Variants in CGAS observed in about 807,000 individuals in gnomAD.
The protein encoded by CGAS is cyclic GMP-AMP synthase, also known as 2'3'-cGAMP synthase.
CGAS carries 31 observed loss-of-function variants against 34.0 expected under a neutral mutation model. The observed-to-expected ratio is 0.91, with a 90% confidence interval of 0.69 to 1.23. CGAS has a LOEUF of 1.23. Among genes scored for constraint, CGAS ranks in the 50% most tolerant of loss-of-function variants. CGAS has a pLI of 0.00. For missense variants in CGAS, 597 were observed against 657.6 expected (o/e 0.91, Z 1.01); for synonymous variants, 266 against 260.0 (o/e 1.02, Z -0.22).
intron 4 of CGAS, 54 bp from the exon 5 acceptor site, chr6:73,425,632 G>A: frequency 8.3e-7 from 1 of 1,209,286 alleles, no homozygotes; most frequent in Non-Finnish European, 1.2e-6. Context: ...TTCAACAAAG[G>A]ATTTTAGGCA....
chr6:73,444,550 C>T (rs1210695764), intron 2 of CGAS, among the ~76,000 whole-genome samples: 1 of 138,692 alleles, frequency 7.2e-6, no homozygotes, highest in Non-Finnish European at 1.6e-5. Flanking sequence ...CTCAGGTGAT[C>T]CACGCACCTC....
chr6:73,436,623 A>C (rs1044529128), intron 3 of CGAS, among the ~76,000 whole-genome samples: 13 of 151,866 alleles, frequency 8.6e-5, no homozygotes, highest in African/African-American at 3.1e-4. Context: ...CCAGGGCTCA[A>C]GTGATCCCCT....
intron 3 of CGAS, among the ~76,000 whole-genome samples, chr6:73,435,001 A>C (rs1328807544): frequency 1.3e-5 from 2 of 152,124 alleles, no homozygotes; most frequent in African/African-American, 4.8e-5. Context: ...TAATTATTAA[A>C]TGTATTGTAT....
intron 1 of CGAS, among the ~76,000 whole-genome samples, chr6:73,450,676 A>G (rs1490002582): frequency 6.6e-6 from 1 of 151,954 alleles, no homozygotes; most frequent in East Asian, 1.9e-4. Context: ...TAAGCTTCCC[A>G]TGATTTCTGT....
chr6:73,425,928 C>G (rs960067975), intron 4 of CGAS, among the ~76,000 whole-genome samples: 5 of 151,690 alleles, frequency 3.3e-5, no homozygotes, highest in African/African-American at 1.2e-4. Context: ...GAGCCAAGAT[C>G]GCGTCATTGC....
chr6:73,429,867 C>A (rs1019653070), intron 3 of CGAS, among the ~76,000 whole-genome samples: 1 of 151,990 alleles, frequency 6.6e-6, no homozygotes, highest in African/African-American at 2.4e-5. Context: ...ATGGCTAGCT[C>A]TTTTATGCTC....
intron 1 of CGAS, among the ~76,000 whole-genome samples, chr6:73,447,384 A>G (rs1165301873): frequency 6.6e-6 from 1 of 152,100 alleles, no homozygotes; most frequent in Non-Finnish European, 1.5e-5. Flanking sequence ...CCTGGGCTCA[A>G]GCAATTCTCC....
Position 73,423,977 on chromosome 6 carries a change from A to G in CGAS, c.*1250T>C, listed in dbSNP as rs1434459785. On this transcript the variant is annotated 3_prime_UTR_variant, in exon 5 of 5. Transcript: ENST00000370315. ...ACCCATAAGAAAATGTGCAAAATAT[A>G]TGAACAGGAAATATTTAACAAACAG... The G allele has an allele frequency of 1.3e-5, 2 of 152,202 alleles. No individual in the cohort carries two copies. The highest frequency in any genetic ancestry group is 2.9e-5 in the Non-Finnish European group (2 of 68,042). The allele number at this position is 152,202 out of a possible 1,614,324, so 9.4% of individuals were successfully genotyped here.
intron 3 of CGAS, among the ~76,000 whole-genome samples, chr6:73,430,754 G>C (rs890044299): frequency 6.6e-6 from 1 of 151,944 alleles, no homozygotes; most frequent in Non-Finnish European, 1.5e-5. Context: ...TTTGATATAT[G>C]GTAATAAACA....
Position 73,425,260 on chromosome 6 carries a change from T to G in CGAS, c.1536A>C (p.Arg512Ser). The G allele has an allele frequency of 6.3e-7, 1 of 1,591,612 alleles. No individual in the cohort carries two copies. Reference sequence around the variant, plus strand: ...CATCAAAAACTGGAAACTCATTGTTTCTTTCATATTCAATTTGCTTTGTCA... The same window carrying G: ...CATCAAAAACTGGAAACTCATTGTTGCTTTCATATTCAATTTGCTTTGTCA... ...EFLTKQIEYE[R>S]NNEFPVFDEF Residue 512 changes from arginine to serine, a missense_variant, in exon 5 of 5, where the codon AGA becomes AGC. Coordinates refer to ENST00000370315, the MANE Select transcript of CGAS (RefSeq NM_138441.3).
At chr6:73,428,622 C>A in intron 4 of CGAS, 87 bp downstream of exon 4, 1 of 1,261,388 alleles carries the variant, frequency 7.9e-7, no homozygotes. Context: ...CCCAACCCAG[C>A]TCAGCTCTTC....
At chr6:73,428,072 A>T (rs906426408) in intron 4 of CGAS, among the ~76,000 whole-genome samples, 3 of 151,810 alleles carry the variant, frequency 2.0e-5, no homozygotes, top group African/African-American at 7.3e-5. Context: ...ATTTTTTTTT[A>T]AATTAGCCGA....
chr6:73,443,480 C>T (rs371832499), intron 2 of CGAS, among the ~76,000 whole-genome samples: 3 of 152,076 alleles, frequency 2.0e-5, no homozygotes, highest in Admixed American at 1.3e-4. Context: ...CCTCGTGATC[C>T]ACCCGCCTCG....
At chr6:73,444,107 A>C (rs1395035214) in intron 2 of CGAS, among the ~76,000 whole-genome samples, 3 of 152,018 alleles carry the variant, frequency 2.0e-5, no homozygotes, top group Non-Finnish European at 4.4e-5. Context: ...CTCCTGCCTC[A>C]GCCTCCCGAG....
chr6:73,440,014 TG>T (rs1770348362), intron 3 of CGAS, 194 bp downstream of exon 3: 4 of 526,212 alleles, frequency 7.6e-6, no homozygotes, highest in Non-Finnish European at 1.3e-5. Flanking sequence ...ATTTTAAAGC[TG>T]AGTATTTGAT....
At chr6:73,441,433 T>C (rs1284015181) in intron 2 of CGAS, among the ~76,000 whole-genome samples, 1 of 152,106 alleles carries the variant, frequency 6.6e-6, no homozygotes, top group Non-Finnish European at 1.5e-5. Flanking sequence ...TGAGAGCAAC[T>C]AAAGAAGTCC....
intron 3 of CGAS, among the ~76,000 whole-genome samples, chr6:73,435,106 G>C (rs1312637311): frequency 6.6e-6 from 1 of 152,058 alleles, no homozygotes; most frequent in Non-Finnish European, 1.5e-5. Flanking sequence ...GAGGATCATT[G>C]AGCTCAGTTC....
chr6:73,429,521 T>G, intron 3 of CGAS, among the ~76,000 whole-genome samples: 1 of 151,756 alleles, frequency 6.6e-6, no homozygotes, highest in East Asian at 1.9e-4. Flanking sequence ...TTTATGAGAG[T>G]TTGTGTAAAT....
intron 4 of CGAS, among the ~76,000 whole-genome samples, chr6:73,427,052 G>T (rs889722445): frequency 6.6e-6 from 1 of 151,628 alleles, no homozygotes; most frequent in Non-Finnish European, 1.5e-5. Flanking sequence ...GTTTCATAAC[G>T]TTGGCCAGGC....
Sources: gnomAD v4.1 joint callset for allele counts (sites outside exome capture counted in the v4.1 genomes callset) on GRCh38, gnomAD v4.1.1 for gene constraint, MANE v1.5 for transcripts, NCBI Gene and HGNC (gene_info 2026-07-23, HGNC 2026-07-21) for gene names.